ALDH3B1: variants seen among roughly 807,000 people sequenced by gnomAD.
ALDH3B1 encodes aldehyde dehydrogenase 3 family member B1.
Under a neutral mutation model 46.2 loss-of-function variants are expected in ALDH3B1, and 37 were observed. That is an observed-to-expected ratio of 0.80 (90% CI 0.62 to 1.05). The LOEUF (loss-of-function observed/expected upper bound fraction) is 1.05. ALDH3B1 is among the 50% of genes least tolerant of loss of function. The probability of loss-of-function intolerance (pLI) is 0.00; values close to 1 mark genes in which losing one functional copy is unlikely to be tolerated. For missense variants in ALDH3B1, 603 were observed against 665.5 expected (o/e 0.91, Z 1.03); for synonymous variants, 283 against 281.0 (o/e 1.01, Z -0.07).
chr11:68,010,563 G>A (rs1857208522), intron 1 of ALDH3B1, among the ~76,000 whole-genome samples, 171 bp downstream of exon 1: 1 of 152,212 alleles, frequency 6.6e-6, no homozygotes. Context: ...GGGAGAAAGC[G>A]GAAGGAGGAG....
intron 1 of ALDH3B1, chr11:68,014,964 C>A (rs1270185732): frequency 3.5e-6 from 1 of 282,914 alleles, no homozygotes; most frequent in Non-Finnish European, 6.6e-6. Context: ...TGGCGCTCTG[C>A]CTGCCTGCTC....
chr11:68,014,108 A>G (rs1857289173), intron 1 of ALDH3B1, among the ~76,000 whole-genome samples: 2 of 152,340 alleles, frequency 1.3e-5, no homozygotes, highest in South Asian at 4.1e-4. Flanking sequence ...ATTAGCTGGC[A>G]GGTGCCATCA....
intron 8 of ALDH3B1, among the ~76,000 whole-genome samples, chr11:68,025,618 C>T (rs1371635251): frequency 6.6e-6 from 1 of 152,146 alleles, no homozygotes. Context: ...TCTGTCCCTC[C>T]CAGTCCCTCC....
In ALDH3B1 at chr11:68,029,105, T is replaced by C. The variant is rs1479581218; in HGVS notation, c.*1166T>C. 3.3e-5 allele frequency: 5 copies of C among 152,272 alleles called. No homozygotes were observed. The highest frequency in any genetic ancestry group is 6.5e-5 in the Admixed American group (1 of 15,292). 9.4% of individuals were successfully genotyped at this position (152,272 alleles called of 1,614,324 possible). On this transcript the variant is annotated 3_prime_UTR_variant, in exon 10 of 10. Transcript: ENST00000342456. ...GCTTGAGAAACCTACATTTGGACAA[T>C]GAGAGGCTGCTCCTGCGGCCTGCGG...
At chr11:68,022,007 T>C in intron 7 of ALDH3B1, 136 bp downstream of exon 7, 1 of 1,417,010 alleles carries the variant, frequency 7.1e-7, no homozygotes, top group African/African-American at 1.4e-5. Context: ...GAGCCACAGC[T>C]CCAGTGCCAT....
chr11:68,024,873 G>T (rs951283960), intron 8 of ALDH3B1: 4 of 152,106 alleles, frequency 2.6e-5, no homozygotes, highest in Non-Finnish European at 5.9e-5. Flanking sequence ...AGGTCGTGTG[G>T]TTTGTCTGAG....
chr11:68,014,638 G>C (rs1025800014), intron 1 of ALDH3B1, among the ~76,000 whole-genome samples: 8 of 152,232 alleles, frequency 5.3e-5, no homozygotes, highest in Non-Finnish European at 5.9e-5. Context: ...GTGGGCAGCA[G>C]GGCCTCCAGG....
chr11:68,016,505 C>T (rs1376219363), intron 2 of ALDH3B1: 1 of 152,556 alleles, frequency 6.6e-6, no homozygotes, highest in Non-Finnish European at 1.5e-5. Context: ...GGCTTGGGGC[C>T]TCAGCCCCTC....
At chr11:68,012,264 A>G (rs796871418) in intron 1 of ALDH3B1, among the ~76,000 whole-genome samples, 7 of 151,936 alleles carry the variant, frequency 4.6e-5, no homozygotes, top group African/African-American at 1.4e-4. Flanking sequence ...GTTCCTCCCC[A>G]CTCTGTTCCC....
rs1373775060 is a variant in ALDH3B1, at chr11:68,021,887, C to A, written c.949+16C>A. ...CGCTACATCGGTGAGTCCTGCTGCC[C>A]CTACCACAGCCCACCTGGGCCAAGA... On this transcript the variant is annotated intron_variant, in intron 7 of 9. Coordinates refer to ENST00000342456, the MANE Select transcript of ALDH3B1 (RefSeq NM_000694.4). 8 of 1,573,842 alleles carry A rather than the reference C, an allele frequency of 5.1e-6. No homozygotes were observed. The highest frequency in any genetic ancestry group is 6.0e-6 in the Non-Finnish European group (7 of 1,158,212).
Position 68,011,589 on chromosome 11 carries a change from G to A in ALDH3B1, c.-2+1197G>A, listed in dbSNP as rs187629580. On this transcript the variant is annotated intron_variant, in intron 1 of 9. Coordinates refer to ENST00000342456, the MANE Select transcript of ALDH3B1 (RefSeq NM_000694.4). ...AGCTACACTGCAGGAGATCAGAATC[G>A]GAGACCCTGCGGTATTGGGCCTGTG... Among the ~76,000 whole-genome samples, 4 of 152,320 alleles carry A rather than the reference G, an allele frequency of 2.6e-5. No homozygotes were observed. The East Asian group carries it at 5.8e-4, about 22-fold the overall frequency.
chr11:68,020,780 C>T (rs983825912), intron 6 of ALDH3B1, among the ~76,000 whole-genome samples: 3 of 152,182 alleles, frequency 2.0e-5, no homozygotes, highest in African/African-American at 4.8e-5. Flanking sequence ...AATCCTTGAC[C>T]ACAAGGGGGA....
Position 68,018,711 on chromosome 11 carries a change from G to T in ALDH3B1, c.274-62G>T. The T allele has an allele frequency of 1.9e-6, 3 of 1,548,944 alleles. 1 individual carries two copies. In the South Asian group the frequency reaches 3.6e-5, roughly 18 times the overall value. ...CCCACAGGGTGGCCCCTCTGGGTGG[G>T]AGCTGGCTGCTGAGGGGCCGGGGTG... On this transcript the variant is annotated intron_variant, in intron 3 of 9. Coordinates refer to ENST00000342456, the MANE Select transcript of ALDH3B1 (RefSeq NM_000694.4).
At chr11:68,018,993 CAA>C in intron 4 of ALDH3B1, 100 bp downstream of exon 4, 1 of 1,483,140 alleles carries the variant, frequency 6.7e-7, no homozygotes, top group South Asian at 1.3e-5. Flanking sequence ...GCCCAGGTGG[CAA>C]AGAGGACTGT....
At chr11:68,019,859 G>A in intron 6 of ALDH3B1, 63 bp downstream of exon 6, 1 of 1,527,644 alleles carries the variant, frequency 6.5e-7, no homozygotes. Context: ...CAGGGGTCCT[G>A]TCCCTAACTC....
At chr11:68,020,052 G>A (rs914319989) in intron 6 of ALDH3B1, among the ~76,000 whole-genome samples, 1 of 151,994 alleles carries the variant, frequency 6.6e-6, no homozygotes, top group African/African-American at 2.4e-5. Context: ...ACCCTCATAC[G>A]TGACCCTGCT....
rs1210448647 is a variant in ALDH3B1 at position 68,021,568 on chromosome 11, C to G, written c.646C>G (p.Pro216Ala). ...CACCCTGGAGCTGGGGGGCAAGAAC[C>G]CTTGCTACGTGGACGACAACTGCGA... ...PVTLELGGKN[P>A]CYVDDNCDPQ... The change falls in exon 7 of 10, where the codon CCT becomes GCT. Residue 216 changes from proline (P) to alanine (A), a missense_variant. Transcript: ENST00000342456. 6.2e-7 allele frequency: 1 copy of G among 1,614,116 alleles called. No individual in the cohort carries two copies. Among genetic ancestry groups the G allele is most frequent in the Admixed American group, 1.7e-5 (1 of 60,004 alleles).
chr11:68,016,213 G>A (rs375475906), intron 2 of ALDH3B1: 1 of 152,840 alleles, frequency 6.5e-6, no homozygotes, highest in African/African-American at 2.4e-5. Context: ...CTGAGAAGGG[G>A]GCTTTAGAGC....
rs543306283 is a variant in ALDH3B1, at chr11:68,022,115, T to C, written c.949+244T>C. 2.6e-5 allele frequency among the ~76,000 whole-genome samples: 4 copies of C among 152,292 alleles called. No homozygotes were observed. In the East Asian group the frequency reaches 7.7e-4, roughly 29 times the overall value. ...AGCTCAGATCCCAGGGCTCCAGGGC[T>C]CAGCGTGCTAAGATGAACTCCCATC... On this transcript the variant is annotated intron_variant, in intron 7 of 9. Transcript: ENST00000342456.
Sources: allele counts gnomAD v4.1 joint callset (sites outside exome capture counted in the v4.1 genomes callset), GRCh38; gene constraint gnomAD v4.1.1; transcripts MANE v1.5; gene names NCBI Gene and HGNC (gene_info 2026-07-23, HGNC 2026-07-21).